SPHKAP: variants seen among roughly 807,000 people sequenced by gnomAD.
The protein encoded by SPHKAP is A-kinase anchor protein SPHKAP.
Under a neutral mutation model 137.5 loss-of-function variants are expected in SPHKAP, and 67 were observed. That is an observed-to-expected ratio of 0.49 (90% confidence interval 0.40 to 0.60). The LOEUF is 0.60. SPHKAP is among the 20% of genes least tolerant of loss of function. SPHKAP has a pLI of 0.00. For synonymous variants in SPHKAP, 813 were observed against 785.3 expected, an observed-to-expected ratio of 1.04 and a Z score of -0.59; for missense variants, 2,097 against 2,069.3, an observed-to-expected ratio of 1.01 and a Z score of -0.26.
intron 1 of SPHKAP, among the ~76,000 whole-genome samples, chr2:228,149,376 G>A (rs1160046793): frequency 6.6e-6 from 1 of 152,188 alleles, no homozygotes; most frequent in East Asian, 1.9e-4. Flanking sequence ...ATAGAAGCAA[G>A]AAGTGAATAA....
At position 228,017,864 on chromosome 2, in the gene SPHKAP, G is replaced by A; in HGVS notation, c.2990C>T (p.Pro997Leu). Residue 997 changes from proline (P) to leucine (L), a missense_variant, in exon 7 of 12, where the codon CCT becomes CTT. Transcript: ENST00000392056. ...CCTCTTGATCTCACTGAGCCGGGGA[G>A]GCTTGTGTTTCCTCACAGCGGTCCC... The part of the protein sequence containing the change: ...GSGTAVRKHK[P>L]PRLSEIKRKT... The A allele has an allele frequency of 1.2e-6, 2 of 1,614,036 alleles. No homozygotes were observed. Among genetic ancestry groups the A allele is most frequent in the South Asian group, 1.1e-5 (1 of 91,064 alleles).
At chr2:228,146,468 C>T (rs2106393076) in intron 1 of SPHKAP, among the ~76,000 whole-genome samples, 1 of 152,274 alleles carries the variant, frequency 6.6e-6, no homozygotes, top group East Asian at 1.9e-4. Flanking sequence ...AGGTTTGTTA[C>T]ATAGGTAAAC....
At chr2:228,110,523 T>C (rs910910969) in intron 2 of SPHKAP, among the ~76,000 whole-genome samples, 3 of 152,186 alleles carry the variant, frequency 2.0e-5, no homozygotes, top group Non-Finnish European at 4.4e-5. Flanking sequence ...TCTTAAATAT[T>C]TTACCTAAAC....
chr2:227,982,784 A>G (rs997101549), intron 11 of SPHKAP, among the ~76,000 whole-genome samples: 1 of 152,214 alleles, frequency 6.6e-6, no homozygotes, highest in Non-Finnish European at 1.5e-5. Flanking sequence ...ACTTCCGTAC[A>G]ATGCTCTTTC....
intron 4 of SPHKAP, chr2:228,025,929 C>T: frequency 1.1e-6 from 1 of 920,274 alleles, no homozygotes; most frequent in Non-Finnish European, 1.3e-6. Context: ...ATCCAAATCT[C>T]ATCTTGTAGC....
intron 11 of SPHKAP, among the ~76,000 whole-genome samples, chr2:227,986,836 C>T (rs1360311096): frequency 1.3e-5 from 2 of 152,118 alleles, no homozygotes; most frequent in Non-Finnish European, 2.9e-5. Flanking sequence ...TCAGCTACCC[C>T]AGCTCAGAGA....
intron 2 of SPHKAP, among the ~76,000 whole-genome samples, chr2:228,117,617 A>T (rs1350504170): frequency 6.6e-6 from 1 of 152,104 alleles, no homozygotes; most frequent in East Asian, 1.9e-4. Flanking sequence ...TCCAGGTAAC[A>T]TTTTCTTGAT....
chr2:228,054,326 T>C (rs182702881), intron 3 of SPHKAP, among the ~76,000 whole-genome samples: 1 of 152,282 alleles, frequency 6.6e-6, no homozygotes. Context: ...GGGTATTTTC[T>C]CTGGTGGGAG....
At chr2:228,156,361 G>A (rs780024947) in intron 1 of SPHKAP, among the ~76,000 whole-genome samples, 2 of 152,016 alleles carry the variant, frequency 1.3e-5, no homozygotes, top group African/African-American at 2.4e-5. Flanking sequence ...TATATGTCCC[G>A]GGCCTTCTTG....
At chr2:228,096,517 C>T (rs1344759212) in intron 3 of SPHKAP, among the ~76,000 whole-genome samples, 1 of 152,066 alleles carries the variant, frequency 6.6e-6, no homozygotes, top group African/African-American at 2.4e-5. Context: ...GAGGAACTTG[C>T]CCATACGAAA....
intron 3 of SPHKAP, among the ~76,000 whole-genome samples, chr2:228,064,944 A>G (rs1273943800): frequency 6.6e-6 from 1 of 152,226 alleles, no homozygotes; most frequent in Non-Finnish European, 1.5e-5. Flanking sequence ...GTTTGAAGCA[A>G]GTAGCCTTGA....
chr2:228,055,800 G>A lies in SPHKAP; in HGVS notation c.247-28257C>T, dbSNP rs533062119. Among the ~76,000 whole-genome samples, 17 of 152,254 alleles carry A rather than the reference G, an allele frequency of 1.1e-4. No individual in the cohort carries two copies. The South Asian group carries it at 2.3e-3, about 20-fold the overall frequency. On this transcript the variant is annotated intron_variant, in intron 3 of 11. Transcript: ENST00000392056. ...TGGCAAACCTCCTCCTGCAAATTCC[G>A]ACAGTATTTTTAAAAACTTAAGCAT...
intron 3 of SPHKAP, among the ~76,000 whole-genome samples, chr2:228,069,576 G>C (rs1473766174): frequency 6.6e-6 from 1 of 150,518 alleles, no homozygotes; most frequent in Non-Finnish European, 1.5e-5. Context: ...GTGAGCCACT[G>C]TACTGGCCTC....
Position 228,181,515 on chromosome 2 carries a change from G to A in SPHKAP, c.32+52C>T, listed in dbSNP as rs1191983017. On this transcript the variant is annotated intron_variant, in intron 1 of 11. Transcript: ENST00000392056. The surrounding 1 kb of genome is among the most constrained non-coding windows in gnomAD (Gnocchi z 4.3). ...CAAGTTGGTGAGCGACTCACAACGC[G>A]GAACGGAGTTTGATCGACATGGTAT... 4.3e-6 allele frequency: 7 copies of A among 1,613,742 alleles called. No homozygotes were observed. Among genetic ancestry groups the A allele is most frequent in the Admixed American group, 1.7e-5 (1 of 60,008 alleles).
rs115134365 is a variant in SPHKAP, at chr2:228,181,011, G to A, written c.32+556C>T. Among the ~76,000 whole-genome samples, 1,578 of 152,084 alleles carry A rather than the reference G, an allele frequency of 0.01. 21 individuals are homozygous for A. The highest frequency in any genetic ancestry group is 0.036 in the African/African-American group (1,509 of 41,478). On this transcript the variant is annotated intron_variant, in intron 1 of 11. Transcript: ENST00000392056. This position sits in a 1 kb window ranked among gnomAD's most constrained non-coding sequence, Gnocchi z 4.3. The stretch of plus-strand genomic sequence containing the variant: ...GGTGTGGGGACGGTGGAGGACTGTG[G>A]GACTGCAGGGGACCTAGGTGTTTTC...
chr2:228,122,327 T>G (rs895078324), intron 2 of SPHKAP, among the ~76,000 whole-genome samples: 1 of 152,088 alleles, frequency 6.6e-6, no homozygotes, highest in African/African-American at 2.4e-5. Flanking sequence ...GCCTGCAGGT[T>G]CCTTCCAGGG....
At chr2:228,112,160 T>C (rs762054462) in intron 2 of SPHKAP, among the ~76,000 whole-genome samples, 3 of 152,164 alleles carry the variant, frequency 2.0e-5, no homozygotes, top group Non-Finnish European at 2.9e-5. Flanking sequence ...TCCCTAGATT[T>C]TGGAACACCC....
At chr2:228,034,049 TAG>T in intron 3 of SPHKAP, among the ~76,000 whole-genome samples, 1 of 151,890 alleles carries the variant, frequency 6.6e-6, no homozygotes. Flanking sequence ...CTGAAGGAAA[TAG>T]AGACACAAAA....
intron 3 of SPHKAP, among the ~76,000 whole-genome samples, chr2:228,104,790 T>C (rs897016433): frequency 1.3e-5 from 2 of 152,132 alleles, no homozygotes; most frequent in Admixed American, 6.5e-5. Context: ...AGTCTTCAAA[T>C]AACCAATACG....
Sources: gnomAD v4.1 joint callset for allele counts (sites outside exome capture counted in the v4.1 genomes callset) on GRCh38, gnomAD v4.1.1 for gene constraint, Gnocchi (gnomAD v3.1) non-coding constraint, MANE v1.5 for transcripts, NCBI Gene and HGNC (gene_info 2026-07-23, HGNC 2026-07-21) for gene names.